Variants in SORCS1 observed in about 807,000 individuals in gnomAD.
The protein encoded by SORCS1 is VPS10 domain-containing receptor SorCS1.
In SORCS1, 60 loss-of-function variants were observed where a neutral mutation model predicts 146.1. That is an observed-to-expected ratio of 0.41 (90% confidence interval 0.33 to 0.51). SORCS1 has a LOEUF of 0.51. Ranked by LOEUF, SORCS1 falls within the 20% of genes least tolerant of loss-of-function variation. The pLI, the probability that SORCS1 is intolerant of heterozygous loss-of-function variation, is 0.21. For synonymous variants in SORCS1, 637 were observed against 584.0 expected, an observed-to-expected ratio of 1.09 and a Z score of -1.31; for missense variants, 1,352 against 1,487.6, an observed-to-expected ratio of 0.91 and a Z score of 1.50.
intron 18 of SORCS1, among the ~76,000 whole-genome samples, chr10:106,650,005 T>C (rs966522308): frequency 1.3e-5 from 2 of 152,196 alleles, no homozygotes; most frequent in Non-Finnish European, 2.9e-5. Context: ...TTCATGAACA[T>C]AATAATCATT....
chr10:106,745,157 AC>A (rs1857633099), intron 5 of SORCS1, among the ~76,000 whole-genome samples: 2 of 152,134 alleles, frequency 1.3e-5, no homozygotes, highest in Non-Finnish European at 2.9e-5. Flanking sequence ...GGTGGTTCAC[AC>A]CTGTAATCCC....
intron 1 of SORCS1, among the ~76,000 whole-genome samples, chr10:107,053,311 T>C (rs1014410304): frequency 9.2e-5 from 14 of 152,176 alleles, no homozygotes; most frequent in Admixed American, 3.3e-4. Context: ...TATGATTTAT[T>C]ATATTGAAAT....
rs58915918 is a variant in SORCS1, at chr10:107,039,332, G to GAAA, written c.559-82755_559-82753dup. On this transcript the variant is annotated intron_variant, in intron 1 of 25. Coordinates refer to ENST00000263054, the MANE Select transcript of SORCS1 (RefSeq NM_052918.5). ...ACAGAGAGACTCCATCTCAAATAAA[G>GAAA]AAAAAAAAAAAAAAAAAAGGATGAC... is the stretch of plus-strand genomic sequence containing the variant. 5.5e-3 allele frequency among the ~76,000 whole-genome samples: 608 copies of GAAA among 109,920 alleles called. 6 individuals carry two copies. Among genetic ancestry groups the GAAA allele is most frequent in the African/African-American group, 0.021 (574 of 27,034 alleles). 72.1% of individuals were successfully genotyped at this position (109,920 alleles called of 152,430 possible).
At chr10:106,584,229 C>A (rs565343812) in intron 24 of SORCS1, among the ~76,000 whole-genome samples, 3 of 152,302 alleles carry the variant, frequency 2.0e-5, no homozygotes, top group African/African-American at 7.2e-5. Flanking sequence ...CTTCCATTTA[C>A]AGAGCACTTT....
At position 106,763,198 on chromosome 10, in the gene SORCS1, T is replaced by C. The variant is rs536844274; in HGVS notation, c.886-1537A>G. Among the ~76,000 whole-genome samples the C allele has an allele frequency of 3.9e-5, 6 of 152,160 alleles. No individual in the cohort carries two copies. The South Asian group carries it at 1.0e-3, about 26-fold the overall frequency. On this transcript the variant is annotated intron_variant, in intron 4 of 25. Transcript: ENST00000263054. Reference sequence around the variant, plus strand: ...ACTCATATACATGCTGCAAGAATAATATATAAACTCTGTGTGCTCCTATGG... The same window carrying C: ...ACTCATATACATGCTGCAAGAATAACATATAAACTCTGTGTGCTCCTATGG...
At chr10:107,127,837 AG>A (rs1966800753) in intron 1 of SORCS1, among the ~76,000 whole-genome samples, 1 of 152,188 alleles carries the variant, frequency 6.6e-6, no homozygotes, top group African/African-American at 2.4e-5. Context: ...GTGGCAATAA[AG>A]GCTGGTTTTT....
chr10:106,921,887 A>G (rs1398431841), intron 2 of SORCS1, among the ~76,000 whole-genome samples: 1 of 152,186 alleles, frequency 6.6e-6, no homozygotes, highest in Non-Finnish European at 1.5e-5. Flanking sequence ...AGCCCTCTCT[A>G]GGGTCTGACC....
chr10:106,948,659 A>T (rs1490733611), intron 2 of SORCS1, among the ~76,000 whole-genome samples: 1 of 151,994 alleles, frequency 6.6e-6, no homozygotes, highest in Non-Finnish European at 1.5e-5. Flanking sequence ...TTCTTAAAAA[A>T]AAAAAAAAAT....
chr10:106,897,117 G>A (rs941742675), intron 2 of SORCS1, among the ~76,000 whole-genome samples: 2 of 151,850 alleles, frequency 1.3e-5, no homozygotes, highest in African/African-American at 4.8e-5. Flanking sequence ...TCCTGACCTC[G>A]TGATCCGCCC....
chr10:106,683,089 C>T (rs1852564589), intron 10 of SORCS1, among the ~76,000 whole-genome samples: 1 of 152,202 alleles, frequency 6.6e-6, no homozygotes, highest in African/African-American at 2.4e-5. Flanking sequence ...TGCACAGACA[C>T]AACCATACAG....
At position 106,843,128 on chromosome 10, in the gene SORCS1, C is replaced by T. The variant is rs72827203; in HGVS notation, c.627-13455G>A. 7.8e-3 allele frequency among the ~76,000 whole-genome samples: 1,191 copies of T among 152,270 alleles called. 7 individuals are homozygous for T. Among genetic ancestry groups the T allele is most frequent in the Non-Finnish European group, 0.013 (870 of 68,012 alleles). ...TTTATGCAGTGAGAACACTTGAGTT[C>T]TCTAGGAGCATATTTCAAATATGCT... On this transcript the variant is annotated intron_variant, in intron 2 of 25. Coordinates refer to ENST00000263054, the MANE Select transcript of SORCS1 (RefSeq NM_052918.5).
chr10:106,936,261 C>G (rs1264442408), intron 2 of SORCS1, among the ~76,000 whole-genome samples: 3 of 152,128 alleles, frequency 2.0e-5, no homozygotes, highest in Admixed American at 2.0e-4. Context: ...CTCATGGGCA[C>G]TCAGTTGCAT....
At chr10:107,059,874 T>C (rs1457222853) in intron 1 of SORCS1, among the ~76,000 whole-genome samples, 1 of 125,326 alleles carries the variant, frequency 8.0e-6, no homozygotes, top group African/African-American at 2.6e-5. Context: ...AAAACAAAAG[T>C]AGATTAAAAA....
chr10:106,756,469 TGA>T (rs1325818710), intron 5 of SORCS1, among the ~76,000 whole-genome samples: 1 of 152,190 alleles, frequency 6.6e-6, no homozygotes, highest in East Asian at 1.9e-4. Flanking sequence ...TCAGTGTCCT[TGA>T]ACCCCTTGAC....
intron 6 of SORCS1, among the ~76,000 whole-genome samples, chr10:106,714,807 G>T (rs1487862405): frequency 6.6e-6 from 1 of 152,132 alleles, no homozygotes; most frequent in African/African-American, 2.4e-5. Flanking sequence ...GGACTTGTGA[G>T]ATCAACTGTC....
intron 2 of SORCS1, among the ~76,000 whole-genome samples, chr10:106,943,778 C>T (rs1288959283): frequency 1.3e-5 from 2 of 152,038 alleles, no homozygotes; most frequent in East Asian, 1.9e-4. Flanking sequence ...CCACTGGACT[C>T]CAGCCTAGGC....
At chr10:107,117,802 T>G (rs1287473932) in intron 1 of SORCS1, among the ~76,000 whole-genome samples, 2 of 152,244 alleles carry the variant, frequency 1.3e-5, no homozygotes, top group Non-Finnish European at 2.9e-5. Context: ...TAATATGTTT[T>G]GTTTCAAAGG....
At chr10:107,168,666 C>CTTTTTTTTTTT (rs57998261), upstream of SORCS1, among the ~76,000 whole-genome samples, 1 of 119,272 alleles carries the variant, frequency 8.4e-6, no homozygotes, top group African/African-American at 2.9e-5. Flanking sequence ...CAGCTCATGC[C>CTTTTTTTTTTT]TTTTTTTTTT....
At chr10:106,647,609 A>G (rs896585231) in intron 18 of SORCS1, among the ~76,000 whole-genome samples, 16 of 152,224 alleles carry the variant, frequency 1.1e-4, no homozygotes, top group Admixed American at 6.5e-5. Flanking sequence ...ATTCAGCGTG[A>G]AATGAACAGT....
Sources: gnomAD v4.1 joint callset for allele counts (sites outside exome capture counted in the v4.1 genomes callset) on GRCh38, gnomAD v4.1.1 for gene constraint, MANE v1.5 for transcripts, NCBI Gene and HGNC (gene_info 2026-07-23, HGNC 2026-07-21) for gene names.